The following MTHFD1L variants were observed in gnomAD, a reference collection of about 807,000 sequenced individuals.
MTHFD1L encodes methylenetetrahydrofolate dehydrogenase (NADP+ dependent) 1 like.
MTHFD1L carries 81 observed loss-of-function variants against 119.5 expected under a neutral mutation model. That is an observed-to-expected ratio of 0.68 (90% CI 0.57 to 0.82). The LOEUF is 0.82. Among genes scored for constraint, MTHFD1L ranks in the 40% least tolerant of loss-of-function variants. MTHFD1L has a pLI of 0.00. For synonymous variants in MTHFD1L, 430 were observed against 475.2 expected (o/e 0.90, Z 1.24); for missense variants, 1,125 against 1,253.4 (o/e 0.90, Z 1.55).
chr6:151,057,848 G>A (rs1403626441), intron 26 of MTHFD1L, among the ~76,000 whole-genome samples: 1 of 152,100 alleles, frequency 6.6e-6, no homozygotes, highest in African/African-American at 2.4e-5. Flanking sequence ...GTGCCATCTC[G>A]GCTCACTGCA....
chr6:150,916,938 T>C (rs1211453148), intron 8 of MTHFD1L, among the ~76,000 whole-genome samples: 2 of 150,880 alleles, frequency 1.3e-5, no homozygotes, highest in Non-Finnish European at 3.0e-5. Context: ...ATTTTGTATT[T>C]TTAGTAGAGA....
At chr6:151,076,827 TA>T (rs1004995278) in intron 26 of MTHFD1L, among the ~76,000 whole-genome samples, 2 of 152,172 alleles carry the variant, frequency 1.3e-5, no homozygotes, top group African/African-American at 4.8e-5. Context: ...ATTCTCTTTC[TA>T]AATATTTACC....
intron 26 of MTHFD1L, among the ~76,000 whole-genome samples, chr6:151,073,993 T>C (rs543449037): frequency 1.3e-5 from 2 of 152,320 alleles, no homozygotes; most frequent in Admixed American, 6.5e-5. Context: ...AAAGAGAGGA[T>C]AAATGACACA....
At chr6:150,955,058 C>G (rs189112437) in intron 16 of MTHFD1L, among the ~76,000 whole-genome samples, 181 of 151,950 alleles carry the variant, frequency 1.2e-3, no homozygotes, top group Non-Finnish European at 2.4e-3. Flanking sequence ...ATATTTTTCC[C>G]CATTTGTAAG....
intron 26 of MTHFD1L, 129 bp from the exon 27 acceptor site, chr6:151,092,338 G>GA: frequency 1.7e-6 from 1 of 583,130 alleles, no homozygotes; most frequent in Non-Finnish European, 2.9e-6. Flanking sequence ...CAAATTTAAA[G>GA]AGATATATCC....
intron 26 of MTHFD1L, among the ~76,000 whole-genome samples, chr6:151,072,429 A>C (rs1415898791): frequency 6.6e-6 from 1 of 152,172 alleles, no homozygotes; most frequent in East Asian, 1.9e-4. Context: ...TTCATAGTCT[A>C]TAAAATTCAC....
intron 20 of MTHFD1L, among the ~76,000 whole-genome samples, chr6:150,998,981 C>A (rs1038090924): frequency 2.1e-4 from 22 of 104,664 alleles, no homozygotes; most frequent in African/African-American, 6.6e-4. Flanking sequence ...CAGAGGGAGA[C>A]CCTGTCTTAA....
chr6:151,019,770 T>G (rs1478527357), intron 24 of MTHFD1L, among the ~76,000 whole-genome samples: 1 of 152,234 alleles, frequency 6.6e-6, no homozygotes, highest in Non-Finnish European at 1.5e-5. Context: ...ACCAGCAAGA[T>G]TTAGATCATC....
chr6:151,051,485 T>C (rs992796329), intron 26 of MTHFD1L, among the ~76,000 whole-genome samples: 1 of 152,218 alleles, frequency 6.6e-6, no homozygotes, highest in African/African-American at 2.4e-5. Context: ...GGTAGAGTTC[T>C]AGCGCTCTGT....
At chr6:150,898,697 A>G (rs984774492) in intron 7 of MTHFD1L, among the ~76,000 whole-genome samples, 3 of 152,128 alleles carry the variant, frequency 2.0e-5, no homozygotes, top group Non-Finnish European at 4.4e-5. Context: ...TAAAGGAACC[A>G]AAATGAGGTA....
chr6:151,022,509 A>T (rs1375638852), intron 24 of MTHFD1L, among the ~76,000 whole-genome samples: 1 of 152,208 alleles, frequency 6.6e-6, no homozygotes, highest in Non-Finnish European at 1.5e-5. Context: ...AATTAATAGG[A>T]TCTTAAAACT....
intron 1 of MTHFD1L, chr6:150,866,322 C>A: frequency 6.9e-7 from 1 of 1,457,158 alleles, no homozygotes; most frequent in East Asian, 3.0e-5. Flanking sequence ...ATGGACCGCA[C>A]GCCCGGCTCC....
At chr6:151,064,305 T>A (rs962656982) in intron 26 of MTHFD1L, among the ~76,000 whole-genome samples, 1 of 152,102 alleles carries the variant, frequency 6.6e-6, no homozygotes, top group Admixed American at 6.5e-5. Flanking sequence ...ATTCTTGAAG[T>A]GTTAAATTAT....
intron 20 of MTHFD1L, among the ~76,000 whole-genome samples, chr6:151,008,269 A>T (rs192994595): frequency 2.6e-5 from 4 of 152,372 alleles, no homozygotes; most frequent in African/African-American, 7.2e-5. Flanking sequence ...GAAACTGATC[A>T]TGTTAAATGT....
intron 24 of MTHFD1L, among the ~76,000 whole-genome samples, chr6:151,016,556 C>T (rs895170939): frequency 1.3e-5 from 2 of 151,828 alleles, no homozygotes; most frequent in African/African-American, 2.4e-5. Context: ...CTCCTGATCT[C>T]ATGGTTCACC....
intron 26 of MTHFD1L, among the ~76,000 whole-genome samples, chr6:151,047,958 G>T (rs1788357737): frequency 6.6e-6 from 1 of 152,174 alleles, no homozygotes. Flanking sequence ...GGGGAAGCAA[G>T]CACATCTTCA....
At position 150,885,723 on chromosome 6, in the gene MTHFD1L, T is replaced by G. The variant is rs1322558705; in HGVS notation, c.632T>G (p.Leu211Arg). The G allele has an allele frequency of 6.2e-7, 1 of 1,612,828 alleles. No individual in the cohort carries two copies. The highest frequency in any genetic ancestry group is 1.1e-5 in the South Asian group (1 of 90,960). ...GTTGCCAAAGCTGTAATTGAACTTCTTGAAAAATCAGGTAGGATGCTCCTT... is the reference window on the plus strand; with the variant it reads ...GTTGCCAAAGCTGTAATTGAACTTCGTGAAAAATCAGGTAGGATGCTCCTT... ...SPVAKAVIEL[L>R]EKSGVNLDGK... is the part of the protein sequence containing the mutation. The change falls in exon 6 of 28, where the codon CTT becomes CGT. Residue 211 changes from leucine (L) to arginine (R), a missense_variant. This residue lies in a region of MTHFD1L where 1,058 missense variants were observed against 1,151.2 expected (regional missense o/e 0.92). Coordinates refer to ENST00000367321, the MANE Select transcript of MTHFD1L (RefSeq NM_015440.5).
chr6:151,020,657 T>C (rs1181612818), intron 24 of MTHFD1L, among the ~76,000 whole-genome samples: 1 of 152,220 alleles, frequency 6.6e-6, no homozygotes, highest in Non-Finnish European at 1.5e-5. Flanking sequence ...AAAATGAATG[T>C]GTTTAAACTT....
chr6:151,086,836 A>T (rs1793852249), intron 26 of MTHFD1L, among the ~76,000 whole-genome samples: 1 of 152,216 alleles, frequency 6.6e-6, no homozygotes, highest in Non-Finnish European at 1.5e-5. Context: ...GACCAAAAAT[A>T]CTTTCTGAGG....
Sources: gnomAD v4.1 joint callset for allele counts (sites outside exome capture counted in the v4.1 genomes callset) on GRCh38, gnomAD v4.1.1 for gene constraint, gnomAD v4.1.1 regional missense constraint, MANE v1.5 for transcripts, NCBI Gene and HGNC (gene_info 2026-07-23, HGNC 2026-07-21) for gene names.